Variants in PSMD4 observed in about 807,000 individuals in gnomAD.
PSMD4 encodes the protein proteasome 26S subunit ubiquitin receptor, non-ATPase 4.
A neutral mutation model predicts 39.7 loss-of-function variants in PSMD4; 5 were observed. The observed-to-expected ratio is 0.13, with a 90% CI of 0.07 to 0.26. The LOEUF is 0.26. PSMD4 is among the 10% of genes least tolerant of loss of function. The probability of loss-of-function intolerance (pLI) is 1.00; values close to 1 mark genes in which losing one functional copy is unlikely to be tolerated. For missense variants in PSMD4, 272 were observed against 486.1 expected, an observed-to-expected ratio of 0.56 and a Z score of 4.14; for synonymous variants, 143 against 174.6, an observed-to-expected ratio of 0.82 and a Z score of 1.43.
intron 9 of PSMD4, 177 bp from the exon 10 acceptor site, chr1:151,266,996 T>A: frequency 1.3e-6 from 1 of 789,112 alleles, no homozygotes; most frequent in East Asian, 2.5e-5. Context: ...ATAACTGCAT[T>A]CATGCTGTAT....
chr1:151,264,534 C>G (rs1169767967), intron 3 of PSMD4, among the ~76,000 whole-genome samples: 3 of 151,486 alleles, frequency 2.0e-5, no homozygotes, highest in South Asian at 2.1e-4. Flanking sequence ...TCGCTGGAAC[C>G]CGGGAGGTGG....
chr1:151,254,915 C>T (rs940349821), intron 1 of PSMD4, 107 bp downstream of exon 1: 3 of 1,334,276 alleles, frequency 2.2e-6, no homozygotes, highest in South Asian at 1.7e-5. Context: ...GGGCGAGAGG[C>T]GGCCCTGGCC....
Position 151,266,353 on chromosome 1 carries a change from T to C in PSMD4, c.809T>C (p.Phe270Ser). The C allele has an allele frequency of 3.1e-6, 5 of 1,614,188 alleles. No individual in the cohort carries two copies. The highest frequency in any genetic ancestry group is 4.2e-6 in the Non-Finnish European group (5 of 1,180,030). ...AAGATGACCATCAGCCAGCAAGAGT[T>C]TGGCCGCACTGGGCTTCCTGACCTA... ...LLKMTISQQE[F>S]GRTGLPDLSS... The change falls in exon 8 of 10, where the codon TTT (phenylalanine) becomes TCT (serine). Residue 270 changes from phenylalanine (F) to serine (S), a missense_variant. Physicochemically the swap from Phe to Ser is radical, Grantham distance 155 (BLOSUM62 -2). Transcript: ENST00000368884.
rs587639372 is a variant in PSMD4 at position 151,267,472 on chromosome 1, G to A, written c.*129G>A. 5 of 1,074,216 alleles carry A rather than the reference G, an allele frequency of 4.7e-6. No homozygotes were observed. Among genetic ancestry groups the A allele is most frequent in the Non-Finnish European group, 6.7e-6 (5 of 750,800 alleles). 66.5% of individuals were successfully genotyped at this position (1,074,216 alleles called of 1,614,324 possible). A position where few individuals can be genotyped will look rare whatever the true frequency, so the allele number is the denominator to read the frequency against. ...GCTTGGCAACTTTTTTTCCTTTTTT[G>A]CTTCAAATATTGATGGTTTTGAGTG... On this transcript the variant is annotated 3_prime_UTR_variant, in exon 10 of 10. Transcript: ENST00000368884.
chr1:151,267,159 C>T lies in PSMD4; in HGVS notation c.964-14C>T, dbSNP rs1693470126. 6.2e-7 allele frequency: 1 copy of T among 1,613,892 alleles called. No individual in the cohort carries two copies. The highest frequency in any genetic ancestry group is 8.5e-7 in the Non-Finnish European group (1 of 1,179,812). The stretch of plus-strand genomic sequence containing the variant: ...CTCCATACCCTCCCTTGAGCTCACA[C>T]TGCCTGTTTGCAGGAGGAGGATGAT... On this transcript the variant is annotated splice_polypyrimidine_tract_variant and intron_variant, in intron 9 of 9. Transcript: ENST00000368884.
At chr1:151,259,126 T>C (rs891591191) in intron 1 of PSMD4, 1 of 152,136 alleles carries the variant, frequency 6.6e-6, no homozygotes, top group Non-Finnish European at 1.5e-5. Flanking sequence ...AGTGGGAAGA[T>C]CTATTGAGCC....
rs1450966997 is a variant in PSMD4, at chr1:151,262,834, CA to C, written c.167+542del. The C allele has an allele frequency of 5.3e-5, 8 of 151,016 alleles. No homozygotes were observed. The South Asian group carries it at 8.2e-4, about 15-fold the overall frequency. The allele number at this position is 151,016 out of a possible 1,614,324, so 9.4% of individuals were successfully genotyped here. ...TGGGCGACAGAATGAGACTCCATTT[CA>C]AAAAAAAAGAAAAAAGTAATTTTTG... On this transcript the variant is annotated intron_variant, in intron 2 of 9. Coordinates refer to ENST00000368884, the MANE Select transcript of PSMD4 (RefSeq NM_002810.4).
Position 151,267,415 on chromosome 1 carries a change from G to GTA in PSMD4, c.*73_*74insAT. 6.6e-7 allele frequency: 1 copy of GTA among 1,508,450 alleles called. No individual in the cohort carries two copies. Among genetic ancestry groups the GTA allele is most frequent in the Non-Finnish European group, 9.0e-7 (1 of 1,108,150 alleles). 93.4% of individuals were successfully genotyped at this position (1,508,450 alleles called of 1,614,324 possible). On this transcript the variant is annotated 3_prime_UTR_variant, in exon 10 of 10. Coordinates refer to ENST00000368884, the MANE Select transcript of PSMD4 (RefSeq NM_002810.4). ...AAGCACGGAATATAGGGTTAGATGT[G>GTA]TGTTATCTGTAACCATTACAGCCTA...
chr1:151,266,289 C>T lies in PSMD4; in HGVS notation c.764-19C>T, dbSNP rs1407921684. 2.5e-6 allele frequency: 4 copies of T among 1,613,888 alleles called. No individual in the cohort carries two copies. In the East Asian group the frequency reaches 6.7e-5, roughly 27 times the overall value. ...GATATGGCACCAATTCTACCCTGCT[C>T]CTCTTTTCCTTTTCCCAGACTCAGA... On this transcript the variant is annotated intron_variant, in intron 7 of 9. Transcript: ENST00000368884.
At chr1:151,258,383 G>T (rs986889892) in intron 1 of PSMD4, among the ~76,000 whole-genome samples, 1 of 150,986 alleles carries the variant, frequency 6.6e-6, no homozygotes, top group Non-Finnish European at 1.5e-5. Flanking sequence ...CCCATGTAGT[G>T]CATCATGGGG....
chr1:151,257,077 T>A (rs954709258), intron 1 of PSMD4, among the ~76,000 whole-genome samples: 142 of 152,298 alleles, frequency 9.3e-4, no homozygotes, highest in East Asian at 1.9e-3. Flanking sequence ...TAGTTTTGGG[T>A]TTTACCTTGT....
In PSMD4 at chr1:151,263,907, A is replaced by C; in HGVS notation, c.168-7A>C. 7 of 1,555,146 alleles carry C rather than the reference A, an allele frequency of 4.5e-6. No homozygotes were observed. The South Asian group carries it at 8.2e-5, about 18-fold the overall frequency. The stretch of plus-strand genomic sequence containing the variant: ...GAATTCACTGAAATGCTTTTCCTAC[A>C]TCCCAGTGACTGTGAAGTGCTGACC... On this transcript the variant is annotated splice_region_variant and splice_polypyrimidine_tract_variant and intron_variant, in intron 2 of 9. Coordinates refer to ENST00000368884, the MANE Select transcript of PSMD4 (RefSeq NM_002810.4).
intron 5 of PSMD4, 52 bp downstream of exon 5, chr1:151,265,286 T>G: frequency 6.3e-7 from 1 of 1,599,020 alleles, no homozygotes; most frequent in South Asian, 1.1e-5. Context: ...ATAAACAGAA[T>G]GGTCCTTAAC....
At chr1:151,265,122 C>G (rs988501582) in intron 4 of PSMD4, 44 bp from the exon 5 acceptor site, 1 of 1,538,478 alleles carries the variant, frequency 6.5e-7, no homozygotes, top group East Asian at 2.3e-5. Context: ...TTCCCCCCCT[C>G]GAGTATGGAA....
chr1:151,262,073 C>T, intron 1 of PSMD4, 88 bp from the exon 2 acceptor site: 2 of 1,442,126 alleles, frequency 1.4e-6, no homozygotes, highest in African/African-American at 2.8e-5. Context: ...ATGAAGACTG[C>T]TGCTATAGGG....
At chr1:151,256,748 C>CTT (rs781402832) in intron 1 of PSMD4, among the ~76,000 whole-genome samples, 1 of 130,636 alleles carries the variant, frequency 7.7e-6, no homozygotes. Flanking sequence ...CCTTTGCCCA[C>CTT]TTTTTTTTTT....
At chr1:151,266,637 C>T (rs995133203) in intron 9 of PSMD4, 50 bp downstream of exon 9, 1 of 1,587,862 alleles carries the variant, frequency 6.3e-7, no homozygotes, top group South Asian at 1.1e-5. Flanking sequence ...GAATTTAGAT[C>T]CTCATCCCTC....
At chr1:151,261,368 T>C (rs1212821728) in intron 1 of PSMD4, among the ~76,000 whole-genome samples, 2 of 151,516 alleles carry the variant, frequency 1.3e-5, no homozygotes, top group Non-Finnish European at 2.9e-5. Flanking sequence ...AGAGACAGGG[T>C]TTCTCCATGT....
chr1:151,261,427 G>A (rs923720644), intron 1 of PSMD4, among the ~76,000 whole-genome samples: 1 of 151,114 alleles, frequency 6.6e-6, no homozygotes, highest in East Asian at 2.0e-4. Context: ...CACCTGCCTC[G>A]GCCTCCCAAA....
Sources: gnomAD v4.1 joint callset for allele counts (sites outside exome capture counted in the v4.1 genomes callset) on GRCh38, gnomAD v4.1.1 for gene constraint, MANE v1.5 for transcripts, NCBI Gene and HGNC (gene_info 2026-07-23, HGNC 2026-07-21) for gene names.